TTC21B: variants seen among roughly 807,000 people sequenced by gnomAD.
TTC21B encodes the protein tetratricopeptide repeat domain 21B.
A neutral mutation model predicts 175.1 loss-of-function variants in TTC21B; 127 were observed. The ratio of observed to expected loss-of-function variants is 0.73; its 90% confidence interval spans 0.63 to 0.84. The LOEUF (loss-of-function observed/expected upper bound fraction) is 0.84, where lower values mean the gene tolerates loss of function less well. Ranked by LOEUF, TTC21B falls within the 40% of genes least tolerant of loss-of-function variation. The pLI, the probability that TTC21B is intolerant of heterozygous loss-of-function variation, is 0.00. For missense variants in TTC21B, 1,561 were observed against 1,558.3 expected, an observed-to-expected ratio of 1.00 and a Z score of -0.03; for synonymous variants, 524 against 524.5, an observed-to-expected ratio of 1.00 and a Z score of 0.01.
intron 26 of TTC21B, among the ~76,000 whole-genome samples, 184 bp downstream of exon 26, chr2:165,883,603 TTTTAAAC>T (rs1319671373): frequency 6.6e-6 from 1 of 152,214 alleles, no homozygotes; most frequent in Non-Finnish European, 1.5e-5. Flanking sequence ...TCTTTCTTTT[TTTTAAAC>T]TTTAAAGGAC....
At chr2:165,943,121 A>G in intron 5 of TTC21B, 98 bp downstream of exon 5, 1 of 1,279,974 alleles carries the variant, frequency 7.8e-7, no homozygotes, top group Non-Finnish European at 1.1e-6. Context: ...AGTATCATGA[A>G]AATTATCAAC....
rs1317123802 is a variant in TTC21B at position 165,874,578 on chromosome 2, AG to A, written c.*176del. The A allele has an allele frequency of 1.3e-5, 8 of 608,266 alleles. No homozygotes were observed. Among genetic ancestry groups the A allele is most frequent in the Non-Finnish European group, 3.0e-6 (1 of 336,578 alleles). The allele number at this position is 608,266 out of a possible 1,614,324, so 37.7% of individuals were successfully genotyped here. On this transcript the variant is annotated 3_prime_UTR_variant, in exon 29 of 29. Coordinates refer to ENST00000243344, the MANE Select transcript of TTC21B (RefSeq NM_024753.5). ...AGACCAGCTCTCATTCAACTCCATT[AG>A]GAAACACCAATTTCACATAGTACTT... is the stretch of plus-strand genomic sequence containing the variant.
intron 12 of TTC21B, 62 bp from the exon 13 acceptor site, chr2:165,919,495 G>T: frequency 6.5e-7 from 1 of 1,545,536 alleles, no homozygotes; most frequent in Non-Finnish European, 8.9e-7. Flanking sequence ...ATCTGAGAGG[G>T]AAGAGGAAGA....
At chr2:165,890,215 T>C (rs1167193811) in intron 24 of TTC21B, among the ~76,000 whole-genome samples, 6 of 152,180 alleles carry the variant, frequency 3.9e-5, no homozygotes, top group Admixed American at 3.3e-4. Flanking sequence ...CTTCATAGCA[T>C]GTCTATTATT....
chr2:165,917,721 T>C (rs984241730), intron 13 of TTC21B, among the ~76,000 whole-genome samples: 19 of 152,220 alleles, frequency 1.2e-4, no homozygotes, highest in African/African-American at 4.3e-4. Flanking sequence ...ATATTTCTAC[T>C]GTGACAGAAG....
chr2:165,943,191 T>C (rs1687430909), intron 5 of TTC21B, 28 bp downstream of exon 5: 2 of 1,611,622 alleles, frequency 1.2e-6, no homozygotes, highest in East Asian at 2.2e-5. Flanking sequence ...TTTTGAAACA[T>C]GATTTATTTA....
intron 6 of TTC21B, among the ~76,000 whole-genome samples, chr2:165,934,517 A>AAAAAAAAAAAAAAAAAG (rs1553514802): frequency 5.1e-5 from 6 of 116,526 alleles, no homozygotes; most frequent in African/African-American, 1.6e-4. Flanking sequence ...AAAAAAAAAA[A>AAAAAAAAAAAAAAAAAG]AAAAGAAAAG....
At chr2:165,906,594 T>C (rs2105311978) in intron 19 of TTC21B, among the ~76,000 whole-genome samples, 1 of 152,118 alleles carries the variant, frequency 6.6e-6, no homozygotes, top group East Asian at 1.9e-4. Context: ...TGAAATCTAT[T>C]AAAAACTTTC....
At position 165,945,372 on chromosome 2, in the gene TTC21B, T is replaced by G. The variant is rs12329293; in HGVS notation, c.429+152A>C. 0.34 allele frequency: 243,321 copies of G among 716,000 alleles called. 44,078 individuals are homozygous for G. The highest frequency in any genetic ancestry group is 0.39 in the Non-Finnish European group (166,901 of 433,336). The allele number at this position is 716,000 out of a possible 1,614,324, so 44.4% of individuals were successfully genotyped here. ...TTCTACAATACACTATTAACCATAT[T>G]GATAACCATAAATGGGTTAAAATAA... is the stretch of plus-strand genomic sequence containing the variant. On this transcript the variant is annotated intron_variant, in intron 4 of 28. Transcript: ENST00000243344.
intron 4 of TTC21B, among the ~76,000 whole-genome samples, chr2:165,943,888 C>G (rs987599975): frequency 6.6e-6 from 1 of 152,036 alleles, no homozygotes; most frequent in African/African-American, 2.4e-5. Flanking sequence ...TTTATCTTTA[C>G]ACATGTTAGT....
At position 165,932,970 on chromosome 2, in the gene TTC21B, T is replaced by C. The variant is rs753275145; in HGVS notation, c.795+3A>G. On this transcript the variant is annotated splice_donor_region_variant and intron_variant, in intron 7 of 28. Coordinates refer to ENST00000243344, the MANE Select transcript of TTC21B (RefSeq NM_024753.5). ...GAAACTTAAATAATACAATGCCACT[T>C]ACCTTCTCTATATCCCCCTCTCTAC... 83 of 1,611,268 alleles carry C rather than the reference T, an allele frequency of 5.2e-5. No individual in the cohort carries two copies. The highest frequency in any genetic ancestry group is 6.7e-5 in the African/African-American group (5 of 74,882).
rs1685569880 is a variant in TTC21B, at chr2:165,901,787, G to A, written c.2692C>T (p.Arg898Ter). 12 of 1,613,970 alleles carry A rather than the reference G, an allele frequency of 7.4e-6. No homozygotes were observed. Among genetic ancestry groups the A allele is most frequent in the South Asian group, 3.3e-5 (3 of 91,070 alleles). ...AEIAKHSVAQ[R>*]DYEKAIKFYR... ...AACTTAATTGCTTTTTCATAGTCTC[G>A]CTGAGCAACAGAATGTTTTGCAATC... The change falls in exon 20 of 29, where the codon CGA becomes TGA. Residue 898 changes from arginine to a stop codon, truncating the protein, a stop_gained. Coordinates refer to ENST00000243344, the MANE Select transcript of TTC21B (RefSeq NM_024753.5). LOFTEE classifies it high-confidence loss of function.
chr2:165,898,835 G>T (rs1685457230), intron 21 of TTC21B, 68 bp from the exon 22 acceptor site: 1 of 962,538 alleles, frequency 1.0e-6, no homozygotes, highest in Non-Finnish European at 1.7e-6. Context: ...TTCCAATCAA[G>T]ATTTAGCACT....
At chr2:165,935,001 G>C (rs568130345) in intron 6 of TTC21B, among the ~76,000 whole-genome samples, 78 of 152,286 alleles carry the variant, frequency 5.1e-4, no homozygotes, top group Non-Finnish European at 5.3e-4. Flanking sequence ...TGGTCAACGT[G>C]AAATAAAGTA....
At chr2:165,927,354 ATT>A (rs1257247257) in intron 11 of TTC21B, among the ~76,000 whole-genome samples, 3 of 92,150 alleles carry the variant, frequency 3.3e-5, no homozygotes, top group East Asian at 2.5e-4. Flanking sequence ...TATATAATAT[ATT>A]TTATATATAT....
intron 3 of TTC21B, among the ~76,000 whole-genome samples, chr2:165,946,877 T>C (rs114828081): frequency 0.016 from 2,464 of 152,126 alleles, 70 homozygotes; most frequent in African/African-American, 0.057. Context: ...AGAGTTTACA[T>C]CATTCCCAAA....
intron 16 of TTC21B, among the ~76,000 whole-genome samples, chr2:165,912,946 T>C (rs770085336): frequency 2.6e-5 from 4 of 152,220 alleles, no homozygotes; most frequent in Non-Finnish European, 5.9e-5. Flanking sequence ...GCTGAAGGAT[T>C]GGTTCCCTTT....
In TTC21B at chr2:165,933,005, A is replaced by G; in HGVS notation, c.763T>C (p.Tyr255His). ...ATATCCCCCTCTCTACACACATAGTAGAGTGCCTGCATTCTCAGTGCTTCC... is the reference window on the plus strand; with the variant it reads ...ATATCCCCCTCTCTACACACATAGTGGAGTGCCTGCATTCTCAGTGCTTCC... Reference protein sequence around the residue: ...NVEALRMQALYYVCREGDIEK... With the variant: ...NVEALRMQALHYVCREGDIEK... The change falls in exon 7 of 29, where the codon TAC (tyrosine) becomes CAC (histidine). Residue 255 changes from tyrosine (Y) to histidine (H), a missense_variant. Tyr to His is a moderately conservative substitution (Grantham distance 83). Transcript: ENST00000243344. 1 of 1,613,124 alleles carries G rather than the reference A, an allele frequency of 6.2e-7. No individual in the cohort carries two copies. Among genetic ancestry groups the G allele is most frequent in the Non-Finnish European group, 8.5e-7 (1 of 1,179,506 alleles).
At chr2:165,914,698 T>TGTGTGTGTGTGTGTGTGTGTGTGTG (rs71031214) in intron 15 of TTC21B, among the ~76,000 whole-genome samples, 51 of 132,382 alleles carry the variant, frequency 3.9e-4, no homozygotes, top group Admixed American at 6.8e-4. Context: ...TGTGTGTGTG[T>TGTGTGTGTGTGTGTGTGTGTGTGTG]TGTGTATCCC....
Sources: allele counts gnomAD v4.1 joint callset (sites outside exome capture counted in the v4.1 genomes callset), GRCh38; gene constraint gnomAD v4.1.1; transcripts MANE v1.5; gene names NCBI Gene and HGNC (gene_info 2026-07-23, HGNC 2026-07-21).